Variants in ACTN2 observed in about 807,000 individuals in gnomAD.
ACTN2 encodes actinin alpha 2.
Under a neutral mutation model 113.8 loss-of-function variants are expected in ACTN2, and 39 were observed. The observed-to-expected ratio is 0.34, with a 90% CI of 0.27 to 0.45. The LOEUF (loss-of-function observed/expected upper bound fraction) is 0.45. Ranked by LOEUF, ACTN2 falls within the 20% of genes least tolerant of loss-of-function variation. The pLI is 1.00. For missense variants in ACTN2, 992 were observed against 1,177.9 expected (o/e 0.84, Z 2.31); for synonymous variants, 429 against 444.1 (o/e 0.97, Z 0.43).
At chr1:236,762,437 A>G (rs1167978833) in intron 20 of ACTN2, 24 bp from the exon 21 acceptor site, 1 of 1,613,924 alleles carries the variant, frequency 6.2e-7, no homozygotes, top group Non-Finnish European at 8.5e-7. Context: ...AACTGACTGC[A>G]AACACGTGTG....
chr1:236,762,528 G>C lies in ACTN2; in HGVS notation c.2594G>C (p.Arg865Thr), dbSNP rs752937110. The C allele has an allele frequency of 8.7e-6, 14 of 1,614,108 alleles. No individual in the cohort carries two copies. The highest frequency in any genetic ancestry group is 1.1e-5 in the Non-Finnish European group (13 of 1,179,976). Reference protein sequence around the residue: ...PPDQAQYCIKRMPAYSGPGSV... With the variant: ...PPDQAQYCIKTMPAYSGPGSV... ...GATCAGGCCCAGTACTGCATCAAGA[G>C]GATGCCCGCCTACTCGGGCCCAGGC... The change falls in exon 21 of 21, where the codon AGG becomes ACG. Residue 865 changes from arginine to threonine, a missense_variant. Arg to Thr is a moderately conservative substitution (Grantham distance 71, BLOSUM62 -1). Around this residue, in one of 3 missense-constraint regions of ACTN2, gnomAD observed 736 missense variants for 815.4 expected, o/e 0.90. Coordinates refer to ENST00000366578, the MANE Select transcript of ACTN2 (RefSeq NM_001103.4).
chr1:236,694,203 ATTTTTTTTTTTCTTTTCT>A (rs1371815980), intron 1 of ACTN2, among the ~76,000 whole-genome samples: 6 of 134,698 alleles, frequency 4.5e-5, no homozygotes, highest in Non-Finnish European at 9.6e-5. Context: ...CTGCACTGAC[ATTTTTTTTTTTCTTTTCT>A]TTTTTTTTTT....
At chr1:236,716,835 A>ATCTT (rs1658230985) in intron 1 of ACTN2, among the ~76,000 whole-genome samples, 1 of 116,324 alleles carries the variant, frequency 8.6e-6, no homozygotes, top group Non-Finnish European at 1.6e-5. Context: ...CATTTTGAAC[A>ATCTT]TTTTTTTTTT....
At chr1:236,737,437 G>A (rs903516126) in intron 9 of ACTN2, among the ~76,000 whole-genome samples, 4 of 150,482 alleles carry the variant, frequency 2.7e-5, no homozygotes, top group African/African-American at 9.7e-5. Flanking sequence ...TCTTTCCAAC[G>A]ATCCCAAAGC....
At chr1:236,747,977 G>A (rs958770019) in intron 13 of ACTN2, 13 of 564,740 alleles carry the variant, frequency 2.3e-5, no homozygotes, top group Non-Finnish European at 3.5e-5. Flanking sequence ...AGACAGCAGC[G>A]AAGTATATTT....
chr1:236,722,106 A>G (rs2102899451), intron 4 of ACTN2, among the ~76,000 whole-genome samples: 1 of 152,306 alleles, frequency 6.6e-6, no homozygotes, highest in East Asian at 1.9e-4. Context: ...ATGGTTCTGC[A>G]GTGTCCAACA....
intron 15 of ACTN2, among the ~76,000 whole-genome samples, chr1:236,753,687 A>G (rs1489148336): frequency 2.6e-5 from 4 of 152,036 alleles, no homozygotes; most frequent in Non-Finnish European, 5.9e-5. Context: ...AGGCTCTTAA[A>G]TACCCTCCAG....
intron 14 of ACTN2, among the ~76,000 whole-genome samples, chr1:236,750,057 G>GT (rs1419924467): frequency 6.6e-6 from 1 of 152,148 alleles, no homozygotes; most frequent in Admixed American, 6.5e-5. Flanking sequence ...TCTGCTTATA[G>GT]TTTTTTCTGG....
chr1:236,735,604 G>A (rs766768613), intron 7 of ACTN2, 31 bp from the exon 8 acceptor site: 37 of 1,560,090 alleles, frequency 2.4e-5, no homozygotes, highest in East Asian at 6.7e-5. Context: ...GTGTGTGTGC[G>A]CGCGTCCTGT....
intron 1 of ACTN2, among the ~76,000 whole-genome samples, chr1:236,689,448 G>A (rs1316103436): frequency 6.6e-6 from 1 of 151,014 alleles, no homozygotes; most frequent in Non-Finnish European, 1.5e-5. Flanking sequence ...ATAGCTCACT[G>A]TAGCCTTGAC....
intron 7 of ACTN2, among the ~76,000 whole-genome samples, chr1:236,731,902 A>G (rs1166390248): frequency 6.6e-6 from 1 of 151,214 alleles, no homozygotes; most frequent in African/African-American, 2.4e-5. Flanking sequence ...CTTGTTTCAA[A>G]TACTTTTTGT....
Position 236,754,845 on chromosome 1 carries a change from T to G in ACTN2, c.1975-174T>G, listed in dbSNP as rs1379462055. ...ACTAGAACTAGACCTTGTTTTGTTC[T>G]GCGATGCTACCCAGTCCCCACTTCC... On this transcript the variant is annotated intron_variant, in intron 16 of 20. Transcript: ENST00000366578. This position sits in a 1 kb window ranked among gnomAD's most constrained non-coding sequence, Gnocchi z 4.9. Among the ~76,000 whole-genome samples the G allele has an allele frequency of 2.0e-5, 3 of 152,240 alleles. No homozygotes were observed. Among genetic ancestry groups the G allele is most frequent in the Non-Finnish European group, 2.9e-5 (2 of 68,032 alleles).
intron 7 of ACTN2, chr1:236,734,324 T>TG: frequency 1.4e-6 from 1 of 696,906 alleles, no homozygotes; most frequent in Non-Finnish European, 2.4e-6. Flanking sequence ...CATAAGTGTA[T>TG]GGGGGCGAAG....
At chr1:236,736,511 G>C in intron 8 of ACTN2, 1 of 1,271,372 alleles carries the variant, frequency 7.9e-7, no homozygotes, top group Non-Finnish European at 1.1e-6. Context: ...TCCTTTCCAC[G>C]AAAGATGACA....
At chr1:236,730,227 A>G (rs187505893) in intron 6 of ACTN2, among the ~76,000 whole-genome samples, 2 of 152,270 alleles carry the variant, frequency 1.3e-5, no homozygotes, top group East Asian at 3.9e-4. Flanking sequence ...GCTTTCACAA[A>G]GTCTCAGGTG....
In ACTN2 at chr1:236,737,297, G is replaced by GTATATATATATATATA; in HGVS notation, c.876+83_876+84insTATATATATATATATA. ...GAGGGTGAAAAAATACTCCGTGGGGGCATATATATATATATATATATTTTG... is the reference window on the plus strand; with the variant it reads ...GAGGGTGAAAAAATACTCCGTGGGGGTATATATATATATATACATATATATATATATATATATTTTG... On this transcript the variant is annotated intron_variant, in intron 9 of 20. Coordinates refer to ENST00000366578, the MANE Select transcript of ACTN2 (RefSeq NM_001103.4). 7.5e-3 allele frequency: 2,422 copies of GTATATATATATATATA among 322,126 alleles called. 825 individuals carry two copies. Among genetic ancestry groups the GTATATATATATATATA allele is most frequent in the Non-Finnish European group, 8.8e-3 (1,389 of 158,006 alleles). The allele number at this position is 322,126 out of a possible 1,614,324, so 20.0% of individuals were successfully genotyped here.
chr1:236,719,827 A>T (rs980653480), intron 3 of ACTN2, among the ~76,000 whole-genome samples: 9 of 151,882 alleles, frequency 5.9e-5, no homozygotes, highest in Non-Finnish European at 1.0e-4. Flanking sequence ...TAGCTATTAC[A>T]TCTTAAAACT....
chr1:236,711,226 C>G (rs2102883455), intron 1 of ACTN2, among the ~76,000 whole-genome samples: 1 of 152,356 alleles, frequency 6.6e-6, no homozygotes, highest in South Asian at 2.1e-4. Context: ...TTCCAGCTGT[C>G]TAAGGAATAT....
chr1:236,703,794 G>A (rs1657746294), intron 1 of ACTN2, among the ~76,000 whole-genome samples: 2 of 151,850 alleles, frequency 1.3e-5, no homozygotes, highest in Admixed American at 1.3e-4. Context: ...ACCTTGTTAT[G>A]TTGCTTCACT....
Sources: allele counts gnomAD v4.1 joint callset (sites outside exome capture counted in the v4.1 genomes callset), GRCh38; gene constraint gnomAD v4.1.1; regional missense constraint gnomAD v4.1.1; non-coding constraint Gnocchi (gnomAD v3.1); transcripts MANE v1.5; gene names NCBI Gene and HGNC (gene_info 2026-07-23, HGNC 2026-07-21).